Variants in ARHGAP28 observed in about 807,000 individuals in gnomAD.
ARHGAP28 encodes the protein rho GTPase-activating protein 28.
Under a neutral mutation model 90.7 loss-of-function variants are expected in ARHGAP28, and 56 were observed. The observed-to-expected ratio is 0.62, with a 90% CI of 0.50 to 0.77. The LOEUF is 0.77. Among genes scored for constraint, ARHGAP28 ranks in the 30% least tolerant of loss-of-function variants. The pLI is 0.00. For synonymous variants in ARHGAP28, 308 were observed against 323.3 expected, an observed-to-expected ratio of 0.95 and a Z score of 0.51; for missense variants, 869 against 900.9, an observed-to-expected ratio of 0.96 and a Z score of 0.45.
In ARHGAP28 at chr18:6,759,100, A is replaced by T. The variant is rs989384738; in HGVS notation, c.122+29157A>T. ...TTTTAGATGCTTACTGTGTTTTCTT[A>T]TAGGCATTATTTCACCGTTGATACC... On this transcript the variant is annotated intron_variant, in intron 1 of 17. Coordinates refer to ENST00000383472, the MANE Select transcript of ARHGAP28 (RefSeq NM_001366230.1). Among the ~76,000 whole-genome samples the T allele has an allele frequency of 1.1e-4, 16 of 152,286 alleles. No individual in the cohort carries two copies. In the East Asian group the frequency reaches 3.1e-3, roughly 29 times the overall value.
At chr18:6,776,547 T>C (rs2056285372) in intron 1 of ARHGAP28, among the ~76,000 whole-genome samples, 1 of 152,204 alleles carries the variant, frequency 6.6e-6, no homozygotes, top group Admixed American at 6.5e-5. Context: ...TGCCTCTGCC[T>C]TGGCCTCCCA....
chr18:6,876,499 C>T (rs1368972853), intron 10 of ARHGAP28, among the ~76,000 whole-genome samples: 1 of 152,176 alleles, frequency 6.6e-6, no homozygotes, highest in Non-Finnish European at 1.5e-5. Context: ...TGAAATAGCA[C>T]ATCAATTCAC....
intron 3 of ARHGAP28, among the ~76,000 whole-genome samples, chr18:6,841,187 CTCTCTCTCTCT>C (rs1234382580): frequency 1.7e-5 from 1 of 57,908 alleles, no homozygotes; most frequent in Non-Finnish European, 3.3e-5. Flanking sequence ...TCTCCTCTCT[CTCTCTCTCTCT>C]CTCTCCTCTC....
chr18:6,858,520 C>G (rs939159698), intron 4 of ARHGAP28, among the ~76,000 whole-genome samples: 1 of 151,148 alleles, frequency 6.6e-6, no homozygotes, highest in African/African-American at 2.4e-5. Flanking sequence ...GGTAGATTGT[C>G]AGTTCACCAT....
intron 14 of ARHGAP28, among the ~76,000 whole-genome samples, chr18:6,892,330 T>G (rs2143743335): frequency 6.6e-6 from 1 of 152,174 alleles, no homozygotes; most frequent in East Asian, 1.9e-4. Flanking sequence ...TTAAATATTT[T>G]TAGTAGAGAC....
chr18:6,823,062 T>A (rs2056636613), intron 1 of ARHGAP28, among the ~76,000 whole-genome samples: 1 of 152,204 alleles, frequency 6.6e-6, no homozygotes, highest in South Asian at 2.1e-4. Context: ...AGCTCTTGTT[T>A]GAGTGAAACA....
chr18:6,874,455 T>C (rs1161954192), intron 9 of ARHGAP28, among the ~76,000 whole-genome samples: 3 of 152,228 alleles, frequency 2.0e-5, no homozygotes, highest in African/African-American at 7.2e-5. Flanking sequence ...CATGTTGTTT[T>C]ATAGCCAGCA....
intron 2 of ARHGAP28, among the ~76,000 whole-genome samples, chr18:6,827,423 C>T (rs1312975496): frequency 2.1e-5 from 3 of 141,790 alleles, no homozygotes; most frequent in Non-Finnish European, 4.6e-5. Flanking sequence ...GGTTGACCCC[C>T]CCACCTCCCT....
chr18:6,822,277 C>T (rs754219497), intron 1 of ARHGAP28, among the ~76,000 whole-genome samples: 2 of 150,990 alleles, frequency 1.3e-5, no homozygotes, highest in Admixed American at 6.6e-5. Flanking sequence ...AGGAATTAGC[C>T]GAAAAAACCT....
chr18:6,845,986 T>TA (rs2056863058), intron 3 of ARHGAP28, among the ~76,000 whole-genome samples: 1 of 152,168 alleles, frequency 6.6e-6, no homozygotes, highest in African/African-American at 2.4e-5. Context: ...TCTGTCTCAG[T>TA]AGAAGGCTTT....
At chr18:6,804,927 C>G (rs1418253806) in intron 1 of ARHGAP28, among the ~76,000 whole-genome samples, 1 of 152,138 alleles carries the variant, frequency 6.6e-6, no homozygotes, top group African/African-American at 2.4e-5. Flanking sequence ...CTTTTATATA[C>G]TTACTTATTT....
At chr18:6,823,047 C>G (rs2056636483) in intron 1 of ARHGAP28, among the ~76,000 whole-genome samples, 1 of 152,146 alleles carries the variant, frequency 6.6e-6, no homozygotes, top group African/African-American at 2.4e-5. Context: ...CTCTTTCCAC[C>G]TGGGAGCTCT....
chr18:6,755,836 C>T (rs977680646), intron 1 of ARHGAP28, among the ~76,000 whole-genome samples: 1 of 152,160 alleles, frequency 6.6e-6, no homozygotes, highest in African/African-American at 2.4e-5. Flanking sequence ...TATCAATAAA[C>T]ACCAAAATAT....
rs2303978 is a variant in ARHGAP28 at position 6,837,373 on chromosome 18, A to G, written c.502A>G (p.Ile168Val). ...QTMRKKDKQS[I>V]RDVRDIFGVS... is the part of the protein sequence containing the mutation. ...CATGAGGAAAAAGGATAAGCAATCT[A>G]TCAGGGATGTCAGAGACATTTTTGG... The change falls in exon 3 of 18, where the codon ATC becomes GTC. Residue 168 changes from isoleucine to valine, a missense_variant. Coordinates refer to ENST00000383472, the MANE Select transcript of ARHGAP28 (RefSeq NM_001366230.1). 419 of 1,613,844 alleles carry G rather than the reference A, an allele frequency of 2.6e-4. 2 individuals carry two copies. In the East Asian group the frequency reaches 8.4e-3, roughly 32 times the overall value.
chr18:6,908,815 A>C, intron 16 of ARHGAP28, 145 bp from the exon 17 acceptor site: 1 of 618,618 alleles, frequency 1.6e-6, no homozygotes, highest in East Asian at 3.0e-5. Context: ...AATTATTTTT[A>C]TCATAACTTC....
chr18:6,763,324 C>T lies in ARHGAP28; in HGVS notation c.122+33381C>T, dbSNP rs528970656. Among the ~76,000 whole-genome samples, 6 of 152,136 alleles carry T rather than the reference C, an allele frequency of 3.9e-5. No homozygotes were observed. The East Asian group carries it at 1.2e-3, about 29-fold the overall frequency. On this transcript the variant is annotated intron_variant, in intron 1 of 17. Transcript: ENST00000383472. ...TCTCGAACTCCTGACCTCAAGTGAT[C>T]CTCCCACCTCAGCTTCCCAAAGTGC...
intron 1 of ARHGAP28, among the ~76,000 whole-genome samples, chr18:6,799,535 T>C (rs747625197): frequency 6.6e-6 from 1 of 152,066 alleles, no homozygotes; most frequent in Non-Finnish European, 1.5e-5. Flanking sequence ...AAAACAGATA[T>C]ATAGACCAAA....
At chr18:6,796,338 T>C (rs1369089623) in intron 1 of ARHGAP28, among the ~76,000 whole-genome samples, 2 of 152,238 alleles carry the variant, frequency 1.3e-5, no homozygotes, top group East Asian at 3.9e-4. Context: ...ATTTCTACAT[T>C]ACAAATCTTC....
rs186843251 is a variant in ARHGAP28, at chr18:6,913,604, G to A, written c.*1450G>A. On this transcript the variant is annotated 3_prime_UTR_variant, in exon 18 of 18. Coordinates refer to ENST00000383472, the MANE Select transcript of ARHGAP28 (RefSeq NM_001366230.1). Reference sequence around the variant, plus strand: ...AACGTGATAATATTTAAGCCCATTTGTAGAAGAAATCTTGTATATACTATT... The same window carrying A: ...AACGTGATAATATTTAAGCCCATTTATAGAAGAAATCTTGTATATACTATT... The A allele has an allele frequency of 2.5e-4, 32 of 130,210 alleles. No individual in the cohort carries two copies. In the East Asian group the frequency reaches 4.5e-3, roughly 18 times the overall value. The allele number at this position is 130,210 out of a possible 1,614,324, so 8.1% of individuals were successfully genotyped here.
Sources: gnomAD v4.1 joint callset for allele counts (sites outside exome capture counted in the v4.1 genomes callset) on GRCh38, gnomAD v4.1.1 for gene constraint, MANE v1.5 for transcripts, NCBI Gene and HGNC (gene_info 2026-07-23, HGNC 2026-07-21) for gene names.